The following CORIN variants were observed in gnomAD, a reference collection of about 807,000 sequenced individuals.
CORIN encodes corin, serine peptidase.
Under a neutral mutation model 125.3 loss-of-function variants are expected in CORIN, and 117 were observed. The observed-to-expected ratio is 0.93, with a 90% CI of 0.80 to 1.09. The LOEUF (loss-of-function observed/expected upper bound fraction) is 1.09. CORIN is among the 50% of genes least tolerant of loss of function. The pLI is 0.00. For missense variants in CORIN, 1,253 were observed against 1,306.7 expected (o/e 0.96, Z 0.63); for synonymous variants, 450 against 466.4 (o/e 0.96, Z 0.45).
At chr4:47,609,630 G>A (rs1415377166) in intron 19 of CORIN, among the ~76,000 whole-genome samples, 5 of 152,042 alleles carry the variant, frequency 3.3e-5, no homozygotes, top group Admixed American at 2.6e-4. Context: ...CGGGATACAT[G>A]TGCAGAAAGT....
At chr4:47,804,032 A>T (rs1449033973) in intron 2 of CORIN, among the ~76,000 whole-genome samples, 2 of 152,250 alleles carry the variant, frequency 1.3e-5, no homozygotes, top group Admixed American at 6.5e-5. Context: ...ATCCCACTTA[A>T]AAATGGGCAA....
chr4:47,819,592 T>C (rs1284990740), intron 1 of CORIN, among the ~76,000 whole-genome samples: 4 of 151,998 alleles, frequency 2.6e-5, no homozygotes, highest in Non-Finnish European at 5.9e-5. Flanking sequence ...GCGAGAGACA[T>C]GAAGGGAATC....
In CORIN at chr4:47,600,254, A is replaced by C; in HGVS notation, c.2906T>G (p.Ile969Arg). The part of the protein sequence containing the change: ...FDMKTITTRM[I>R]CAGYESGTVD... ...TGTGCCAGACTCATAGCCAGCACAT[A>C]TCATCCGAGTGGTGATGGTCTTCAT... Residue 969 changes from isoleucine to arginine, a missense_variant, in exon 21 of 22, where the codon ATA (isoleucine) becomes AGA (arginine). Transcript: ENST00000273857. The C allele has an allele frequency of 6.2e-7, 1 of 1,613,928 alleles. No individual in the cohort carries two copies. Among genetic ancestry groups the C allele is most frequent in the Non-Finnish European group, 8.5e-7 (1 of 1,179,868 alleles).
chr4:47,744,698 C>T, intron 4 of CORIN, 115 bp from the exon 5 acceptor site: 2 of 961,978 alleles, frequency 2.1e-6, no homozygotes. Context: ...TTTATACTTA[C>T]TATAGTCAGC....
At chr4:47,699,839 A>G (rs1392366813) in intron 5 of CORIN, among the ~76,000 whole-genome samples, 3 of 152,216 alleles carry the variant, frequency 2.0e-5, no homozygotes, top group African/African-American at 7.2e-5. Context: ...TTAGTAGGAC[A>G]ACAGATGGCC....
chr4:47,808,858 A>G (rs1046394800), intron 1 of CORIN, among the ~76,000 whole-genome samples: 1 of 152,236 alleles, frequency 6.6e-6, no homozygotes, highest in South Asian at 2.1e-4. Flanking sequence ...ACTAATTATA[A>G]TAATAGTGAT....
rs1322545858 is a variant in CORIN at position 47,723,637 on chromosome 4, C to T, written c.799+20765G>A. Among the ~76,000 whole-genome samples, 10 of 152,114 alleles carry T rather than the reference C, an allele frequency of 6.6e-5. No individual in the cohort carries two copies. The East Asian group carries it at 1.9e-3, about 29-fold the overall frequency. On this transcript the variant is annotated intron_variant, in intron 5 of 21. Coordinates refer to ENST00000273857, the MANE Select transcript of CORIN (RefSeq NM_006587.4). ...ATTAGCATTTTCCAGAGAATTCTAA[C>T]AGGACCCAGAATATCATAATATTTT...
chr4:47,674,849 C>T (rs1379761331), intron 9 of CORIN, among the ~76,000 whole-genome samples: 6 of 152,090 alleles, frequency 3.9e-5, no homozygotes, highest in South Asian at 2.1e-4. Context: ...GGACAGAGAA[C>T]GTTATAAAAA....
At chr4:47,665,888 AATCAACAGT>A (rs1234147952) in intron 10 of CORIN, among the ~76,000 whole-genome samples, 1 of 152,214 alleles carries the variant, frequency 6.6e-6, no homozygotes, top group Non-Finnish European at 1.5e-5. Context: ...GTGATTATCC[AATCAACAGT>A]ATCTCTGCTG....
Position 47,626,422 on chromosome 4 carries a change from A to T in CORIN, c.2298T>A (p.His766Gln), listed in dbSNP as rs1301744402. Residue 766 changes from histidine (H) to glutamine (Q), a missense_variant, in exon 17 of 22, where the codon CAT (histidine) becomes CAA (glutamine). Transcript: ENST00000273857. The stretch of plus-strand genomic sequence containing the variant: ...ATTCTTACCCATTTACTAGAAGTTC[A>T]TGTAAAGTGGTCCCATTGAGGCTCT... ...NWESLNGTTL[H>Q]ELLVNGQSCE... The T allele has an allele frequency of 1.2e-6, 2 of 1,604,872 alleles. No individual in the cohort carries two copies. The highest frequency in any genetic ancestry group is 2.2e-5 in the South Asian group (2 of 90,862).
At chr4:47,784,614 A>T (rs1423218802) in intron 3 of CORIN, among the ~76,000 whole-genome samples, 1 of 152,224 alleles carries the variant, frequency 6.6e-6, no homozygotes, top group East Asian at 1.9e-4. Flanking sequence ...AAATGCACTT[A>T]GTAGAAGAAA....
intron 3 of CORIN, among the ~76,000 whole-genome samples, chr4:47,773,576 A>C (rs562463287): frequency 1.8e-4 from 28 of 152,180 alleles, no homozygotes; most frequent in Non-Finnish European, 4.0e-4. Context: ...CATAAGTCAG[A>C]ATCAAGTTGA....
chr4:47,805,873 A>G (rs969136748), intron 2 of CORIN, among the ~76,000 whole-genome samples: 2 of 152,228 alleles, frequency 1.3e-5, no homozygotes, highest in African/African-American at 4.8e-5. Flanking sequence ...CAATTAGATC[A>G]GCATCGTCTT....
rs1410136610 is a variant in CORIN, at chr4:47,744,514, C to T, written c.687G>A (p.Met229Ile). Residue 229 changes from methionine (M) to isoleucine (I), a missense_variant, in exon 5 of 22, where the codon ATG becomes ATA. Met to Ile is a conservative substitution (Grantham distance 10, BLOSUM62 1). Transcript: ENST00000273857. ...GGAAATCCGGCCAGGAGTAATTCAC[C>T]ATCCCCAGGACTGATTCACAGCCTT... is the stretch of plus-strand genomic sequence containing the variant. ...AKEGCESVLGMVNYSWPDFLR... is the reference protein window; with the variant it reads ...AKEGCESVLGIVNYSWPDFLR... 2 of 1,613,722 alleles carry T rather than the reference C, an allele frequency of 1.2e-6. No homozygotes were observed. The highest frequency in any genetic ancestry group is 1.3e-5 in the African/African-American group (1 of 74,906).
At chr4:47,716,845 A>G (rs900786056) in intron 5 of CORIN, among the ~76,000 whole-genome samples, 1 of 152,124 alleles carries the variant, frequency 6.6e-6, no homozygotes, top group African/African-American at 2.4e-5. Context: ...ATATTAGTAA[A>G]AAGTCAATAA....
intron 4 of CORIN, 83 bp from the exon 5 acceptor site, chr4:47,744,666 C>T: frequency 7.7e-7 from 1 of 1,305,964 alleles, no homozygotes; most frequent in South Asian, 1.5e-5. Context: ...AAGTTAGCCC[C>T]TGTGTTGTGA....
At chr4:47,778,940 C>G (rs1025136441) in intron 3 of CORIN, among the ~76,000 whole-genome samples, 2 of 152,146 alleles carry the variant, frequency 1.3e-5, no homozygotes, top group African/African-American at 4.8e-5. Context: ...AGCAGGTGCC[C>G]ATAATCAGAA....
At chr4:47,754,621 C>A (rs955373514) in intron 4 of CORIN, among the ~76,000 whole-genome samples, 2 of 151,932 alleles carry the variant, frequency 1.3e-5, no homozygotes, top group Admixed American at 6.6e-5. Context: ...TAAGCAAAGA[C>A]CAATCCATCC....
Position 47,661,824 on chromosome 4 carries a change from T to C in CORIN, c.1622A>G (p.Glu541Gly), listed in dbSNP as rs745409202. ...TAGGCCCACAATCCCAAGAACAGACTCACAGCGTTCTTTAGAGTGTTCACA... is the reference window on the plus strand; with the variant it reads ...TAGGCCCACAATCCCAAGAACAGACCCACAGCGTTCTTTAGAGTGTTCACA... ...ALCEHSKERC[E>G]SVLGIVGLQW... Residue 541 changes from glutamate (E) to glycine (G), a missense_variant, in exon 12 of 22, where the codon GAG (glutamate) becomes GGG (glycine). Glu to Gly is a moderately conservative substitution (Grantham distance 98). Transcript: ENST00000273857. The C allele has an allele frequency of 1.2e-6, 2 of 1,612,976 alleles. No individual in the cohort carries two copies. Among genetic ancestry groups the C allele is most frequent in the East Asian group, 2.2e-5 (1 of 44,836 alleles).
Sources: allele counts gnomAD v4.1 joint callset (sites outside exome capture counted in the v4.1 genomes callset), GRCh38; gene constraint gnomAD v4.1.1; transcripts MANE v1.5; gene names NCBI Gene and HGNC (gene_info 2026-07-23, HGNC 2026-07-21).